NOL4: variants seen among roughly 807,000 people sequenced by gnomAD.
NOL4 encodes the protein nucleolar protein 4, also known as cancer/testis antigen 125.
NOL4 carries 17 observed loss-of-function variants against 75.9 expected under a neutral mutation model. The observed-to-expected ratio is 0.22, with a 90% CI of 0.15 to 0.34. The LOEUF is 0.34. Ranked by LOEUF, NOL4 falls within the 10% of genes least tolerant of loss-of-function variation. NOL4 has a pLI of 1.00. For missense variants in NOL4, 614 were observed against 793.5 expected (o/e 0.77, Z 2.72); for synonymous variants, 292 against 289.9 (o/e 1.01, Z -0.07).
At chr18:34,114,747 C>A (rs938624839) in intron 2 of NOL4, among the ~76,000 whole-genome samples, 1 of 151,860 alleles carries the variant, frequency 6.6e-6, no homozygotes. Context: ...CAGCAGAGGG[C>A]AAAGTAAAAT....
At chr18:34,006,293 G>T (rs2074021792) in intron 6 of NOL4, among the ~76,000 whole-genome samples, 1 of 152,084 alleles carries the variant, frequency 6.6e-6, no homozygotes, top group Non-Finnish European at 1.5e-5. Flanking sequence ...ATTAGGCTAA[G>T]GGGTGCCCAG....
At chr18:34,065,987 C>A (rs1463793611) in intron 5 of NOL4, among the ~76,000 whole-genome samples, 1 of 151,876 alleles carries the variant, frequency 6.6e-6, no homozygotes, top group African/African-American at 2.4e-5. Context: ...TTTTAAATAT[C>A]TGTATAGCTT....
chr18:34,054,949 T>C (rs1401128647), intron 5 of NOL4, among the ~76,000 whole-genome samples: 1 of 149,226 alleles, frequency 6.7e-6, no homozygotes, highest in African/African-American at 2.4e-5. Flanking sequence ...TAATATATTC[T>C]ATATTGCATA....
intron 10 of NOL4, among the ~76,000 whole-genome samples, chr18:33,860,088 G>A (rs2063030687): frequency 6.6e-6 from 1 of 152,050 alleles, no homozygotes; most frequent in South Asian, 2.1e-4. Context: ...GAGAGCACAT[G>A]TGAAGGTGGA....
At chr18:34,130,237 T>C (rs1270005488) in intron 1 of NOL4, among the ~76,000 whole-genome samples, 2 of 152,106 alleles carry the variant, frequency 1.3e-5, no homozygotes, top group South Asian at 2.1e-4. Flanking sequence ...ATAGTTAATA[T>C]TGAATAAATC....
Position 34,034,589 on chromosome 18 carries a change from A to T in NOL4, c.773-14988T>A, listed in dbSNP as rs537272395. ...CCCTGTCTCCACTAAAAATACAAAA[A>T]TCAGCTGGGCATAGTGGTGCACACC... On this transcript the variant is annotated intron_variant, in intron 5 of 10. Coordinates refer to ENST00000261592, the MANE Select transcript of NOL4 (RefSeq NM_003787.5). Among the ~76,000 whole-genome samples the T allele has an allele frequency of 3.9e-5, 6 of 152,210 alleles. No individual in the cohort carries two copies. The South Asian group carries it at 1.2e-3, about 32-fold the overall frequency.
rs536885194 is a variant in NOL4 at position 33,892,872 on chromosome 18, C to T, written c.1543-9448G>A. ...TAGAGACTGTCTCACTATGTTGCCC[C>T]GGTTGGTCTCGAACTCTTGACCTCA... On this transcript the variant is annotated intron_variant, in intron 9 of 10. Transcript: ENST00000261592. 2.0e-4 allele frequency among the ~76,000 whole-genome samples: 30 copies of T among 151,938 alleles called. No individual in the cohort carries two copies. In the South Asian group the frequency reaches 4.8e-3, roughly 24 times the overall value.
intron 2 of NOL4, among the ~76,000 whole-genome samples, chr18:34,122,606 A>C (rs562626905): frequency 6.6e-6 from 1 of 152,266 alleles, no homozygotes; most frequent in Admixed American, 6.5e-5. Context: ...CCTACAAAAT[A>C]ATAACATGCC....
intron 5 of NOL4, among the ~76,000 whole-genome samples, chr18:34,021,860 T>G (rs929885775): frequency 6.6e-6 from 1 of 152,070 alleles, no homozygotes; most frequent in Non-Finnish European, 1.5e-5. Flanking sequence ...TCATGCACTT[T>G]GGGAGGCCGA....
At chr18:34,009,009 C>T (rs1260109253) in intron 6 of NOL4, among the ~76,000 whole-genome samples, 1 of 151,902 alleles carries the variant, frequency 6.6e-6, no homozygotes, top group African/African-American at 2.4e-5. Flanking sequence ...AACCCAACAC[C>T]CTGCCATCTT....
chr18:34,040,548 A>C (rs1182222204), intron 5 of NOL4, among the ~76,000 whole-genome samples: 1 of 152,020 alleles, frequency 6.6e-6, no homozygotes, highest in Admixed American at 6.6e-5. Flanking sequence ...GAAATAAAAC[A>C]ACATGCGAGG....
intron 1 of NOL4, among the ~76,000 whole-genome samples, chr18:34,183,089 AAC>A (rs2034171852): frequency 6.6e-6 from 1 of 151,864 alleles, no homozygotes; most frequent in South Asian, 2.1e-4. Flanking sequence ...TGCTCTGTGA[AAC>A]ACACAATTTT....
At chr18:34,168,449 A>G (rs1163541308) in intron 1 of NOL4, among the ~76,000 whole-genome samples, 1 of 151,714 alleles carries the variant, frequency 6.6e-6, no homozygotes, top group East Asian at 1.9e-4. Flanking sequence ...CAGGGGGGAA[A>G]AAAGGTCTGC....
chr18:34,159,940 C>A (rs1182101122), intron 1 of NOL4, among the ~76,000 whole-genome samples: 4 of 152,028 alleles, frequency 2.6e-5, no homozygotes, highest in Admixed American at 6.6e-5. Context: ...TGTCAGCTGG[C>A]CATATCCAGT....
At chr18:34,095,251 A>ATGTGTG (rs60017439) in intron 4 of NOL4, among the ~76,000 whole-genome samples, 15,197 of 144,404 alleles carry the variant, frequency 0.11, 840 homozygotes, top group African/African-American at 0.12. Context: ...TCTAATGTGT[A>ATGTGTG]TGTGTGTGTG....
At chr18:34,104,398 A>AAATAAC (rs1568346086) in intron 3 of NOL4, among the ~76,000 whole-genome samples, 5 of 151,994 alleles carry the variant, frequency 3.3e-5, no homozygotes, top group African/African-American at 1.2e-4. Flanking sequence ...AAACATCCTG[A>AAATAAC]ATAACAATAA....
At chr18:33,938,137 G>A (rs1287415837) in intron 9 of NOL4, among the ~76,000 whole-genome samples, 1 of 151,926 alleles carries the variant, frequency 6.6e-6, no homozygotes, top group Non-Finnish European at 1.5e-5. Flanking sequence ...TCATATTCTG[G>A]CTTTCTCGTG....
chr18:33,925,895 T>A (rs2067295578), intron 9 of NOL4, among the ~76,000 whole-genome samples: 1 of 152,230 alleles, frequency 6.6e-6, no homozygotes, highest in Admixed American at 6.5e-5. Flanking sequence ...TTTGTTGAGC[T>A]AAGTGGCCTG....
At chr18:34,068,641 C>T (rs2077382172) in intron 5 of NOL4, among the ~76,000 whole-genome samples, 1 of 152,174 alleles carries the variant, frequency 6.6e-6, no homozygotes, top group South Asian at 2.1e-4. Flanking sequence ...CTCATGTCCA[C>T]CCACCTCGGC....
Sources: allele counts gnomAD v4.1 joint callset (sites outside exome capture counted in the v4.1 genomes callset), GRCh38; gene constraint gnomAD v4.1.1; transcripts MANE v1.5; gene names NCBI Gene and HGNC (gene_info 2026-07-23, HGNC 2026-07-21).